Variants in SNX25 observed in about 807,000 individuals in gnomAD.
The protein encoded by SNX25 is sorting nexin-25.
SNX25 carries 62 observed loss-of-function variants against 113.7 expected under a neutral mutation model. That is an observed-to-expected ratio of 0.55 (90% CI 0.44 to 0.67). SNX25 has a LOEUF of 0.67. Among genes scored for constraint, SNX25 ranks in the 30% least tolerant of loss-of-function variants. The pLI is 0.00. For synonymous variants in SNX25, 421 were observed against 436.2 expected (o/e 0.97, Z 0.43); for missense variants, 1,014 against 1,161.0 (o/e 0.87, Z 1.84).
chr4:185,212,518 G>A (rs180959355), intron 1 of SNX25, among the ~76,000 whole-genome samples: 9 of 77,544 alleles, frequency 1.2e-4, no homozygotes, highest in Non-Finnish European at 2.4e-4. Flanking sequence ...CTTTGAGACA[G>A]GGTCTGCTCT....
intron 6 of SNX25, among the ~76,000 whole-genome samples, chr4:185,290,417 G>T (rs74875002): frequency 0.016 from 2,409 of 152,268 alleles, 46 homozygotes; most frequent in South Asian, 0.061. Context: ...CACTCTTGGG[G>T]CCTTGGAGCC....
At chr4:185,298,089 ACTT>A (rs1209921021) in intron 6 of SNX25, among the ~76,000 whole-genome samples, 1 of 103,854 alleles carries the variant, frequency 9.6e-6, no homozygotes, top group African/African-American at 3.4e-5. Context: ...TATTATAGTA[ACTT>A]CTTTTTTTTT....
chr4:185,353,256 G>C, intron 14 of SNX25: 1 of 414,574 alleles, frequency 2.4e-6, no homozygotes, highest in Non-Finnish European at 4.3e-6. Context: ...ATAATACAGC[G>C]ACAGATTTTT....
chr4:185,332,909 T>C, intron 10 of SNX25, 150 bp downstream of exon 10: 2 of 834,500 alleles, frequency 2.4e-6, no homozygotes, highest in East Asian at 2.7e-5. Flanking sequence ...AGGATAGAAT[T>C]AGAAAAGCAT....
chr4:185,267,887 G>A (rs1279812593), intron 5 of SNX25, among the ~76,000 whole-genome samples: 1 of 152,104 alleles, frequency 6.6e-6, no homozygotes, highest in Non-Finnish European at 1.5e-5. Context: ...CTGGAGAAAA[G>A]AAAATATTAT....
At position 185,332,604 on chromosome 4, in the gene SNX25, G is replaced by C; in HGVS notation, c.1759G>C (p.Asp587His). 1 of 1,612,644 alleles carries C rather than the reference G, an allele frequency of 6.2e-7. No homozygotes were observed. Among genetic ancestry groups the C allele is most frequent in the Non-Finnish European group, 8.5e-7 (1 of 1,179,158 alleles). The part of the protein sequence containing the change: ...ISNKDEMGPR[D>H]EAGEEAVDDG... Reference sequence around the variant, plus strand: ...GTGACTCTCCCCCTAGGGCCCAAGAGATGAGGCTGGTGAGGAAGCCGTGGA... The same window carrying C: ...GTGACTCTCCCCCTAGGGCCCAAGACATGAGGCTGGTGAGGAAGCCGTGGA... Residue 587 changes from aspartate to histidine, a missense_variant, in exon 10 of 19, where the codon GAT becomes CAT. Transcript: ENST00000652585.
intron 11 of SNX25, among the ~76,000 whole-genome samples, chr4:185,340,224 T>C (rs2095252909): frequency 6.6e-6 from 1 of 152,218 alleles, no homozygotes; most frequent in Admixed American, 6.5e-5. Context: ...GTATTTAATA[T>C]GGCTTATCTT....
chr4:185,314,324 C>CAAAAAAAAA (rs35324892), intron 7 of SNX25, among the ~76,000 whole-genome samples: 1 of 75,376 alleles, frequency 1.3e-5, no homozygotes, highest in Non-Finnish European at 2.4e-5. Context: ...CCCCTCTCTA[C>CAAAAAAAAA]AAAAAAAAAA....
chr4:185,209,688 G>T lies in SNX25; in HGVS notation c.-139G>T. On this transcript the variant is annotated 5_prime_UTR_variant, in exon 1 of 19. Transcript: ENST00000652585. This position sits in a 1 kb window ranked among gnomAD's most constrained non-coding sequence, Gnocchi z 5.2. ...GCGGCGCTGAGGGGTCGCCGAGAGG[G>T]GCCCGGCGGCGTCTGCGGGGGCCGC... The T allele has an allele frequency of 1.0e-6, 1 of 961,008 alleles. No individual in the cohort carries two copies. The highest frequency in any genetic ancestry group is 1.2e-6 in the Non-Finnish European group (1 of 808,046). 59.5% of individuals were successfully genotyped at this position (961,008 alleles called of 1,614,324 possible). A position where few individuals can be genotyped will look rare whatever the true frequency, so the allele number is the denominator to read the frequency against.
chr4:185,240,631 C>T (rs528937640), intron 1 of SNX25, among the ~76,000 whole-genome samples: 15 of 146,412 alleles, frequency 1.0e-4, no homozygotes, highest in Admixed American at 4.0e-4. Flanking sequence ...CCGGACGGAG[C>T]GGCTGGCTGG....
chr4:185,232,425 C>T lies in SNX25; in HGVS notation c.430-14869C>T, dbSNP rs1014212337. ...ATTTTCTTCCCTTTTATGGGCCGAC[C>T]CCTCCTCTGCATCCTGTTTGCTTAT... On this transcript the variant is annotated intron_variant, in intron 1 of 18. Coordinates refer to ENST00000652585, the MANE Select transcript of SNX25 (RefSeq NM_001378034.2). The surrounding 1 kb of genome is among the most constrained non-coding windows in gnomAD (Gnocchi z 4.4). Among the ~76,000 whole-genome samples the T allele has an allele frequency of 6.6e-6, 1 of 152,116 alleles. No homozygotes were observed. Among genetic ancestry groups the T allele is most frequent in the Non-Finnish European group, 1.5e-5 (1 of 68,040 alleles).
Position 185,310,892 on chromosome 4 carries a change from T to C in SNX25, c.1344+76T>C, listed in dbSNP as rs1018943481. On this transcript the variant is annotated intron_variant, in intron 7 of 18. Transcript: ENST00000652585. ...CTGATAGAACTACATATAAAGACTT[T>C]CAACTTTTTAGTATTGAACTTAGAC... 87 of 1,398,144 alleles carry C rather than the reference T, an allele frequency of 6.2e-5. No individual in the cohort carries two copies. In the East Asian group the frequency reaches 2.1e-3, roughly 33 times the overall value. The allele number at this position is 1,398,144 out of a possible 1,614,324, so 86.6% of individuals were successfully genotyped here. A position where few individuals can be genotyped will look rare whatever the true frequency, so the allele number is the denominator to read the frequency against.
upstream of SNX25, among the ~76,000 whole-genome samples, chr4:185,204,679 T>C (rs915699933): frequency 1.3e-5 from 2 of 152,186 alleles, no homozygotes; most frequent in Admixed American, 1.3e-4. Flanking sequence ...TAACCAGGAT[T>C]ATCCAGTGAA....
intron 9 of SNX25, among the ~76,000 whole-genome samples, chr4:185,330,201 G>T (rs1301567272): frequency 6.6e-6 from 1 of 152,194 alleles, no homozygotes; most frequent in Non-Finnish European, 1.5e-5. Flanking sequence ...GAATGTTTCT[G>T]TGTGGAGGAG....
chr4:185,295,343 C>T (rs1007056883), intron 6 of SNX25, among the ~76,000 whole-genome samples: 1 of 151,708 alleles, frequency 6.6e-6, no homozygotes, highest in African/African-American at 2.4e-5. Context: ...ATCCTAGGAA[C>T]GTTTAGTATT....
intron 9 of SNX25, among the ~76,000 whole-genome samples, chr4:185,325,174 C>T (rs949425853): frequency 1.1e-4 from 16 of 152,166 alleles, no homozygotes; most frequent in African/African-American, 7.2e-5. Context: ...ACATTCCTCA[C>T]CCAATGAGAG....
chr4:185,238,919 T>C (rs1028792458), intron 1 of SNX25, among the ~76,000 whole-genome samples: 1 of 152,102 alleles, frequency 6.6e-6, no homozygotes, highest in African/African-American at 2.4e-5. Flanking sequence ...TTAAAAACAG[T>C]GGACAATGAG....
intron 6 of SNX25, among the ~76,000 whole-genome samples, chr4:185,294,465 CAG>C (rs1187191928): frequency 2.0e-5 from 3 of 152,090 alleles, no homozygotes; most frequent in African/African-American, 4.8e-5. Flanking sequence ...CTGAAGGAGT[CAG>C]GGGTTATGTA....
intron 5 of SNX25, among the ~76,000 whole-genome samples, chr4:185,272,870 A>G (rs1749148369): frequency 6.6e-6 from 1 of 152,194 alleles, no homozygotes; most frequent in South Asian, 2.1e-4. Flanking sequence ...TTCCTGAGAG[A>G]CATTTTTAAC....
Sources: gnomAD v4.1 joint callset for allele counts (sites outside exome capture counted in the v4.1 genomes callset) on GRCh38, gnomAD v4.1.1 for gene constraint, Gnocchi (gnomAD v3.1) non-coding constraint, MANE v1.5 for transcripts, NCBI Gene and HGNC (gene_info 2026-07-23, HGNC 2026-07-21) for gene names.